The following TNFRSF10A variants were observed in gnomAD, a reference collection of about 807,000 sequenced individuals.
TNFRSF10A encodes the protein TNF receptor superfamily member 10a, also known as tumor necrosis factor receptor superfamily member 10A.
In TNFRSF10A, 44 loss-of-function variants were observed where a neutral mutation model predicts 42.8. The observed-to-expected ratio is 1.03, with a 90% CI of 0.81 to 1.32. The LOEUF is 1.32. Among genes scored for constraint, TNFRSF10A ranks in the 40% most tolerant of loss-of-function variants. The pLI is 0.00. For synonymous variants in TNFRSF10A, 259 were observed against 234.2 expected (o/e 1.11, Z -0.97); for missense variants, 680 against 602.0 (o/e 1.13, Z -1.36).
At chr8:23,197,473 T>A (rs1301599610) in intron 8 of TNFRSF10A, among the ~76,000 whole-genome samples, 2 of 152,162 alleles carry the variant, frequency 1.3e-5, no homozygotes, top group Non-Finnish European at 2.9e-5. Context: ...ACGTCAGGGA[T>A]CTGGGTTGCA....
At chr8:23,207,813 C>A (rs1418325128) in intron 2 of TNFRSF10A, among the ~76,000 whole-genome samples, 4 of 151,446 alleles carry the variant, frequency 2.6e-5, no homozygotes, top group African/African-American at 9.7e-5. Context: ...TATTGTAAGA[C>A]TTCCCCAGCC....
intron 3 of TNFRSF10A, among the ~76,000 whole-genome samples, chr8:23,202,175 A>G (rs73222586): frequency 0.037 from 5,711 of 152,316 alleles, 163 homozygotes; most frequent in Middle Eastern, 0.085. Flanking sequence ...CACCATTTAG[A>G]TCGCATGGTC....
chr8:23,193,990 G>A (rs749396895), intron 9 of TNFRSF10A, among the ~76,000 whole-genome samples: 3 of 152,136 alleles, frequency 2.0e-5, no homozygotes, highest in Non-Finnish European at 4.4e-5. Flanking sequence ...TGTTCTCTGC[G>A]ATGCTGTTTG....
At chr8:23,215,037 G>T (rs1420893237) in intron 1 of TNFRSF10A, among the ~76,000 whole-genome samples, 9 of 152,210 alleles carry the variant, frequency 5.9e-5, no homozygotes, top group Admixed American at 5.9e-4. Context: ...TGATATTGAG[G>T]ATTGTATTGT....
intron 2 of TNFRSF10A, among the ~76,000 whole-genome samples, chr8:23,205,084 TA>T (rs1332469454): frequency 6.6e-6 from 1 of 152,006 alleles, no homozygotes; most frequent in Non-Finnish European, 1.5e-5. Flanking sequence ...GAGCAGAAAT[TA>T]ATGAGACGGA....
intron 1 of TNFRSF10A, 119 bp from the exon 2 acceptor site, chr8:23,212,331 C>A: frequency 1.2e-6 from 1 of 852,702 alleles, no homozygotes; most frequent in Non-Finnish European, 1.9e-6. Context: ...ATCTTTCTCC[C>A]AGTTCTAAAA....
intron 2 of TNFRSF10A, 138 bp from the exon 3 acceptor site, chr8:23,202,899 G>A (rs975918736): frequency 4.2e-5 from 26 of 613,932 alleles, no homozygotes; most frequent in Admixed American, 1.8e-4. Context: ...TGGTCTTGTC[G>A]TCAATTCTGC....
intron 9 of TNFRSF10A, among the ~76,000 whole-genome samples, chr8:23,194,015 T>A (rs1305342588): frequency 6.6e-6 from 1 of 152,214 alleles, no homozygotes; most frequent in African/African-American, 2.4e-5. Flanking sequence ...CTGCAGAGGT[T>A]TGGCCTTTAA....
Position 23,207,170 on chromosome 8 carries a change from C to T in TNFRSF10A, c.404-4409G>A, listed in dbSNP as rs1052931998. ...AGTATGCCATGAAGAAGATAGAAGA[C>T]GACAACAACACACTTGTGTTCATTG... On this transcript the variant is annotated intron_variant, in intron 2 of 9. Transcript: ENST00000221132. 1.1e-4 allele frequency: 65 copies of T among 587,228 alleles called. 1 individual carries two copies. The highest frequency in any genetic ancestry group is 5.1e-4 in the South Asian group (36 of 70,798). The allele number at this position is 587,228 out of a possible 1,614,324, so 36.4% of individuals were successfully genotyped here. A position where few individuals can be genotyped will look rare whatever the true frequency, so the allele number is the denominator to read the frequency against.
At chr8:23,210,782 G>C (rs1265763712) in intron 2 of TNFRSF10A, among the ~76,000 whole-genome samples, 2 of 152,150 alleles carry the variant, frequency 1.3e-5, no homozygotes, top group African/African-American at 2.4e-5. Context: ...AAAATAAATT[G>C]ATGTAACAAA....
At position 23,191,517 on chromosome 8, in the gene TNFRSF10A, C is replaced by G; in HGVS notation, c.*177G>C. On this transcript the variant is annotated 3_prime_UTR_variant, in exon 10 of 10. Coordinates refer to ENST00000221132, the MANE Select transcript of TNFRSF10A (RefSeq NM_003844.4). ...ATTTCACGATGTTGGTCAGGCTGGTCTTGAACTTCTGACCTCAAGTGATCC... is the reference window on the plus strand; with the variant it reads ...ATTTCACGATGTTGGTCAGGCTGGTGTTGAACTTCTGACCTCAAGTGATCC... 1 of 858,898 alleles carries G rather than the reference C, an allele frequency of 1.2e-6. No homozygotes were observed. Among genetic ancestry groups the G allele is most frequent in the South Asian group, 1.9e-5 (1 of 51,436 alleles). The allele number at this position is 858,898 out of a possible 1,614,324, so 53.2% of individuals were successfully genotyped here.
At chr8:23,224,454 A>G (rs1801304464) in intron 1 of TNFRSF10A, 1 of 420,820 alleles carries the variant, frequency 2.4e-6, no homozygotes, top group South Asian at 2.7e-5. Flanking sequence ...CGATTCCGAA[A>G]CTTCCCGATA....
chr8:23,205,710 T>A (rs1483194006), intron 2 of TNFRSF10A, among the ~76,000 whole-genome samples: 1 of 114,426 alleles, frequency 8.7e-6, no homozygotes, highest in African/African-American at 2.7e-5. Flanking sequence ...TGTCTGTGTT[T>A]CTTTTTTTTT....
chr8:23,217,599 G>A (rs947898815), intron 1 of TNFRSF10A, among the ~76,000 whole-genome samples: 28 of 152,114 alleles, frequency 1.8e-4, no homozygotes, highest in Non-Finnish European at 3.8e-4. Context: ...CGAGCTCCTG[G>A]TGACTCTGGA....
At chr8:23,202,318 C>A (rs922137139) in intron 3 of TNFRSF10A, among the ~76,000 whole-genome samples, 33 of 152,186 alleles carry the variant, frequency 2.2e-4, no homozygotes, top group African/African-American at 8.0e-4. Context: ...GCCTGAGAAC[C>A]TGCCAGGAGC....
In TNFRSF10A at chr8:23,201,798, G is replaced by A; in HGVS notation, c.629+10C>T. On this transcript the variant is annotated intron_variant, in intron 4 of 9. Coordinates refer to ENST00000221132, the MANE Select transcript of TNFRSF10A (RefSeq NM_003844.4). Reference sequence around the variant, plus strand: ...TGAGGCTGCTGGGAGCCCCTTGGCTGTTGTCTCACCCTCTGCTGCACTTCC... The same window carrying A: ...TGAGGCTGCTGGGAGCCCCTTGGCTATTGTCTCACCCTCTGCTGCACTTCC... 2 of 1,613,388 alleles carry A rather than the reference G, an allele frequency of 1.2e-6. No homozygotes were observed. Among genetic ancestry groups the A allele is most frequent in the East Asian group, 2.2e-5 (1 of 44,832 alleles).
In TNFRSF10A at chr8:23,225,084, C is replaced by T; in HGVS notation, c.-23G>A. 6.7e-7 allele frequency: 1 copy of T among 1,490,162 alleles called. No homozygotes were observed. The highest frequency in any genetic ancestry group is 8.9e-7 in the Non-Finnish European group (1 of 1,121,984). 92.3% of individuals were successfully genotyped at this position (1,490,162 alleles called of 1,614,324 possible). ...CATCCTGCCAGGTCAATCCAAGAAG[C>T]AGCGTGCTTGGCTATGACAAGACAG... On this transcript the variant is annotated 5_prime_UTR_variant, in exon 1 of 10. Coordinates refer to ENST00000221132, the MANE Select transcript of TNFRSF10A (RefSeq NM_003844.4).
intron 9 of TNFRSF10A, among the ~76,000 whole-genome samples, chr8:23,194,250 C>A (rs1322976343): frequency 6.6e-6 from 1 of 152,156 alleles, no homozygotes; most frequent in Admixed American, 6.5e-5. Context: ...TATTAAGTTA[C>A]ATGTTGTGTC....
intron 3 of TNFRSF10A, 66 bp from the exon 4 acceptor site, chr8:23,201,985 AC>A: frequency 7.1e-7 from 1 of 1,408,782 alleles, no homozygotes; most frequent in Non-Finnish European, 9.9e-7. Flanking sequence ...TTTCCTCACC[AC>A]CCCAACTCCC....
Sources: allele counts gnomAD v4.1 joint callset (sites outside exome capture counted in the v4.1 genomes callset), GRCh38; gene constraint gnomAD v4.1.1; transcripts MANE v1.5; gene names NCBI Gene and HGNC (gene_info 2026-07-23, HGNC 2026-07-21).